Variants in FRMPD4 observed in about 807,000 individuals in gnomAD.
FRMPD4 encodes FERM and PDZ domain-containing protein 4.
In FRMPD4, 22 loss-of-function variants were observed where a neutral mutation model predicts 94.1. That is an observed-to-expected ratio of 0.23 (90% CI 0.17 to 0.33). FRMPD4 has a LOEUF of 0.33. Among genes scored for constraint, FRMPD4 ranks in the 10% least tolerant of loss-of-function variants. The pLI is 1.00. For synonymous variants in FRMPD4, 631 were observed against 548.6 expected (o/e 1.15, Z -2.10); for missense variants, 1,111 against 1,339.9 (o/e 0.83, Z 2.67).
At chrX:12,569,001 G>A (rs374384094) in intron 2 of FRMPD4, among the ~76,000 whole-genome samples, 22 of 111,504 alleles carry the variant, frequency 2.0e-4, no homozygotes, top group Non-Finnish European at 2.6e-4. Context: ...GTAGATTAAC[G>A]TTGTCATTTG....
chrX:12,025,932 T>A (rs1294436536), intron 3 of FRMPD4, among the ~76,000 whole-genome samples: 1 of 111,893 alleles, frequency 8.9e-6, no homozygotes, highest in African/African-American at 3.2e-5. Context: ...ACGGAAATAA[T>A]GACATAATAA....
At chrX:12,546,011 G>T (rs1010926083) in intron 2 of FRMPD4, among the ~76,000 whole-genome samples, 1 of 112,304 alleles carries the variant, frequency 8.9e-6, no homozygotes, top group Non-Finnish European at 1.9e-5. Context: ...AGTGACTGGA[G>T]AACAGGGTCA....
intron 1 of FRMPD4, among the ~76,000 whole-genome samples, chrX:12,261,371 A>G (rs1016210888): frequency 1.8e-5 from 2 of 112,334 alleles, no homozygotes; most frequent in Non-Finnish European, 3.8e-5. Context: ...GAAAAAAAGA[A>G]GCAACAATGT....
intron 1 of FRMPD4, among the ~76,000 whole-genome samples, chrX:12,277,897 A>G (rs958805178): frequency 1.6e-4 from 18 of 112,279 alleles, no homozygotes; most frequent in African/African-American, 5.8e-4. Flanking sequence ...ACAGGTATGA[A>G]ACTTTTGACT....
chrX:11,847,014 A>C (rs1170013988), intron 1 of FRMPD4, among the ~76,000 whole-genome samples: 1 of 104,244 alleles, frequency 9.6e-6, no homozygotes, highest in Non-Finnish European at 2.0e-5. Context: ...TGGCAACAAA[A>C]GCCAAAATTG....
chrX:12,265,895 G>A (rs1299430055), intron 1 of FRMPD4, among the ~76,000 whole-genome samples: 1 of 109,558 alleles, frequency 9.1e-6, no homozygotes, highest in African/African-American at 3.3e-5. Context: ...TTGGGAGGCC[G>A]AGGTGGGCGG....
chrX:12,663,187 G>A (rs2148489540), intron 4 of FRMPD4, among the ~76,000 whole-genome samples: 1 of 112,044 alleles, frequency 8.9e-6, no homozygotes, highest in African/African-American at 3.2e-5. Flanking sequence ...CTTTTGCTGT[G>A]CAGAAGCTCT....
At chrX:12,248,666 A>T (rs1467352157) in intron 1 of FRMPD4, among the ~76,000 whole-genome samples, 2 of 112,675 alleles carry the variant, frequency 1.8e-5, no homozygotes, top group Admixed American at 9.4e-5. Context: ...ATTATCCATA[A>T]TTCTAATGCT....
intron 1 of FRMPD4, among the ~76,000 whole-genome samples, chrX:12,317,766 C>T (rs778441128): frequency 2.7e-5 from 3 of 111,471 alleles, no homozygotes; most frequent in Non-Finnish European, 5.6e-5. Context: ...GAGATATCAT[C>T]TCACCCCAGT....
chrX:11,989,979 A>T (rs907929518), intron 3 of FRMPD4, among the ~76,000 whole-genome samples: 25 of 111,921 alleles, frequency 2.2e-4, no homozygotes, highest in Non-Finnish European at 4.5e-4. Context: ...AAAAAACTAA[A>T]TTGATATTCA....
At chrX:12,698,208 T>C (rs1403436703) in intron 9 of FRMPD4, among the ~76,000 whole-genome samples, 2 of 111,918 alleles carry the variant, frequency 1.8e-5, no homozygotes, top group African/African-American at 6.5e-5. Context: ...AAAACAGAAG[T>C]TGCAATAGTA....
intron 1 of FRMPD4, among the ~76,000 whole-genome samples, chrX:12,303,638 G>C (rs768938225): frequency 9.9e-5 from 11 of 111,437 alleles, no homozygotes; most frequent in African/African-American, 3.6e-4. Flanking sequence ...ACATTATTTA[G>C]GCCTTTAATT....
At chrX:12,434,327 C>A (rs2057040569) in intron 1 of FRMPD4, among the ~76,000 whole-genome samples, 1 of 111,566 alleles carries the variant, frequency 9.0e-6, no homozygotes, top group Non-Finnish European at 1.9e-5. Flanking sequence ...TGGTTTAATT[C>A]ATGGGTTAAG....
At chrX:12,303,296 C>A (rs1160397042) in intron 1 of FRMPD4, among the ~76,000 whole-genome samples, 3 of 111,447 alleles carry the variant, frequency 2.7e-5, no homozygotes, top group African/African-American at 9.8e-5. Flanking sequence ...TTCCCACAAG[C>A]CTTAAATAAA....
intron 1 of FRMPD4, among the ~76,000 whole-genome samples, chrX:12,358,476 G>A (rs1030666924): frequency 9.0e-6 from 1 of 111,352 alleles, no homozygotes; most frequent in African/African-American, 3.3e-5. Context: ...TGGTGGCTTC[G>A]TGTCTCCAAA....
intron 1 of FRMPD4, among the ~76,000 whole-genome samples, chrX:12,479,383 CAT>C (rs376474558): frequency 0.094 from 1,401 of 14,907 alleles, 32 homozygotes; most frequent in African/African-American, 0.23. Flanking sequence ...CATATATACA[CAT>C]ATATATATAC....
intron 1 of FRMPD4, among the ~76,000 whole-genome samples, chrX:12,389,492 A>AAACAAC (rs920077761): frequency 9.1e-6 from 1 of 109,496 alleles, no homozygotes; most frequent in Admixed American, 9.7e-5. Flanking sequence ...AAACAAAACC[A>AAACAAC]AACAACAACA....
intron 2 of FRMPD4, among the ~76,000 whole-genome samples, chrX:11,874,393 T>C (rs867036594): frequency 1.8e-5 from 2 of 112,288 alleles, no homozygotes; most frequent in African/African-American, 6.5e-5. Flanking sequence ...CAAGTGATCC[T>C]TCCGCCTCAG....
chrX:12,639,144 C>T (rs2059470556), intron 4 of FRMPD4, among the ~76,000 whole-genome samples: 1 of 111,809 alleles, frequency 8.9e-6, no homozygotes, highest in Non-Finnish European at 1.9e-5. Flanking sequence ...TGATGTTGTC[C>T]ATGGGGTTTT....
Sources: gnomAD v4.1 joint callset for allele counts (sites outside exome capture counted in the v4.1 genomes callset) on GRCh38, gnomAD v4.1.1 for gene constraint, MANE v1.5 for transcripts, NCBI Gene and HGNC (gene_info 2026-07-23, HGNC 2026-07-21) for gene names.